EIF2B3: variants seen among roughly 807,000 people sequenced by gnomAD.
EIF2B3 encodes the protein translation initiation factor eIF2B subunit gamma.
In EIF2B3, 20 loss-of-function variants were observed where a neutral mutation model predicts 54.1. That is an observed-to-expected ratio of 0.37 (90% CI 0.26 to 0.54). EIF2B3 has a LOEUF of 0.54. Ranked by LOEUF, EIF2B3 falls within the 20% of genes least tolerant of loss-of-function variation. EIF2B3 has a pLI of 0.86. For missense variants in EIF2B3, 448 were observed against 547.8 expected (o/e 0.82, Z 1.82); for synonymous variants, 153 against 188.1 (o/e 0.81, Z 1.52).
At chr1:44,894,915 C>A (rs1469510052) in intron 6 of EIF2B3, among the ~76,000 whole-genome samples, 1 of 152,178 alleles carries the variant, frequency 6.6e-6, no homozygotes, top group Non-Finnish European at 1.5e-5. Context: ...CATGCTGCTA[C>A]CTACCACCAA....
At chr1:44,929,925 T>C (rs1230165637) in intron 4 of EIF2B3, among the ~76,000 whole-genome samples, 1 of 152,248 alleles carries the variant, frequency 6.6e-6, no homozygotes, top group Admixed American at 6.5e-5. Context: ...GAAAGGTTTC[T>C]TTCTGTTCTG....
chr1:44,874,382 G>A (rs1655054191), intron 10 of EIF2B3: 4 of 362,136 alleles, frequency 1.1e-5, no homozygotes, highest in Non-Finnish European at 1.5e-5. Flanking sequence ...GCCCCATTTA[G>A]AGCTGTCATT....
At chr1:44,982,136 G>A (rs1402782015) in intron 1 of EIF2B3, among the ~76,000 whole-genome samples, 1 of 151,998 alleles carries the variant, frequency 6.6e-6, no homozygotes, top group African/African-American at 2.4e-5. Flanking sequence ...ACGTAGGCTT[G>A]TATCTGAACC....
At chr1:44,935,880 G>C (rs1041090105) in intron 4 of EIF2B3, among the ~76,000 whole-genome samples, 1 of 151,958 alleles carries the variant, frequency 6.6e-6, no homozygotes. Context: ...CCTATGACTG[G>C]GGAGAGTACA....
At chr1:44,910,187 T>A (rs1029111698) in intron 5 of EIF2B3, among the ~76,000 whole-genome samples, 5 of 152,218 alleles carry the variant, frequency 3.3e-5, no homozygotes, top group African/African-American at 1.2e-4. Context: ...TAAAAACATA[T>A]GTCTGTCAGA....
intron 2 of EIF2B3, among the ~76,000 whole-genome samples, chr1:44,979,663 A>G (rs1164072139): frequency 1.3e-5 from 2 of 151,718 alleles, no homozygotes; most frequent in Non-Finnish European, 2.9e-5. Context: ...TGTCTCTAAA[A>G]AACAAAAAAA....
chr1:44,918,523 G>A (rs1032808126), intron 5 of EIF2B3, among the ~76,000 whole-genome samples: 5 of 152,054 alleles, frequency 3.3e-5, no homozygotes, highest in Non-Finnish European at 7.4e-5. Flanking sequence ...CTGGGTAGCT[G>A]GGATTACCAG....
chr1:44,917,868 G>GGTT (rs1643658552), intron 5 of EIF2B3, among the ~76,000 whole-genome samples: 1 of 137,286 alleles, frequency 7.3e-6, no homozygotes, highest in South Asian at 2.4e-4. Context: ...CCGCCTCCCG[G>GGTT]GTTCACACCA....
chr1:44,948,024 T>C (rs1347380166), intron 3 of EIF2B3, among the ~76,000 whole-genome samples: 1 of 152,166 alleles, frequency 6.6e-6, no homozygotes, highest in Admixed American at 6.5e-5. Context: ...TGTGCTTGAA[T>C]AAACACCAAA....
intron 3 of EIF2B3, among the ~76,000 whole-genome samples, chr1:44,975,979 G>C (rs1032232332): frequency 5.9e-5 from 9 of 152,130 alleles, no homozygotes; most frequent in African/African-American, 2.2e-4. Context: ...CTGGGTGAGA[G>C]AGCAAGACTC....
chr1:44,952,191 C>T (rs1397348718), intron 3 of EIF2B3, among the ~76,000 whole-genome samples: 1 of 139,200 alleles, frequency 7.2e-6, no homozygotes, highest in African/African-American at 2.7e-5. Flanking sequence ...TCTCGATCTC[C>T]TGACCTCGTG....
intron 6 of EIF2B3, among the ~76,000 whole-genome samples, chr1:44,886,991 A>G (rs1166049589): frequency 2.0e-5 from 3 of 152,220 alleles, no homozygotes; most frequent in Non-Finnish European, 4.4e-5. Context: ...GCGCTGAGTG[A>G]ACAAGCAAGG....
chr1:44,966,347 G>A (rs1016963976), intron 3 of EIF2B3, among the ~76,000 whole-genome samples: 2 of 151,500 alleles, frequency 1.3e-5, no homozygotes, highest in Admixed American at 6.6e-5. Flanking sequence ...GCTGAGACAG[G>A]AGAATGGCGT....
chr1:44,882,060 C>G (rs1557668945), intron 6 of EIF2B3, among the ~76,000 whole-genome samples: 1 of 152,222 alleles, frequency 6.6e-6, no homozygotes, highest in Admixed American at 6.5e-5. Context: ...GAAACTAGCA[C>G]ATGTTTTTCA....
At chr1:44,859,599 A>C (rs552728579) in intron 10 of EIF2B3, among the ~76,000 whole-genome samples, 10 of 152,182 alleles carry the variant, frequency 6.6e-5, no homozygotes, top group African/African-American at 2.4e-4. Flanking sequence ...CGGAGGTTGC[A>C]GTGAGCCAAG....
rs926485690 is a variant in EIF2B3 at position 44,875,568 on chromosome 1, G to C, written c.1053+50C>G. The C allele has an allele frequency of 3.8e-6, 6 of 1,574,796 alleles. No individual in the cohort carries two copies. The African/African-American group carries it at 4.1e-5, about 11-fold the overall frequency. The stretch of plus-strand genomic sequence containing the variant: ...ATCCGGCTTCTCAAAAACAAGTCTC[G>C]ATGCTCCCAAAGAACATCTCATGCC... On this transcript the variant is annotated intron_variant, in intron 9 of 11. Transcript: ENST00000360403.
chr1:44,868,397 CAAAAAAAAAAA>C (rs34094245), intron 10 of EIF2B3, among the ~76,000 whole-genome samples: 3 of 65,434 alleles, frequency 4.6e-5, no homozygotes, highest in Non-Finnish European at 5.9e-5. Flanking sequence ...GACTCCGTCT[CAAAAAAAAAAA>C]AAAAAAAAAA....
intron 6 of EIF2B3, among the ~76,000 whole-genome samples, chr1:44,896,836 A>C (rs750753330): frequency 2.0e-5 from 3 of 152,242 alleles, no homozygotes; most frequent in Admixed American, 1.3e-4. Context: ...ACAAACAAAC[A>C]AAAAAATCAG....
intron 10 of EIF2B3, among the ~76,000 whole-genome samples, chr1:44,859,204 G>C (rs1456540837): frequency 6.6e-6 from 1 of 152,152 alleles, no homozygotes; most frequent in Non-Finnish European, 1.5e-5. Flanking sequence ...AGGAGGCTGA[G>C]GTAGGAGGAT....
Sources: gnomAD v4.1 joint callset for allele counts (sites outside exome capture counted in the v4.1 genomes callset) on GRCh38, gnomAD v4.1.1 for gene constraint, MANE v1.5 for transcripts, NCBI Gene and HGNC (gene_info 2026-07-23, HGNC 2026-07-21) for gene names.